DTNB: variants seen among roughly 807,000 people sequenced by gnomAD.
DTNB encodes DTN-B.
In DTNB, 63 loss-of-function variants were observed where a neutral mutation model predicts 90.7. That is an observed-to-expected ratio of 0.69 (90% CI 0.57 to 0.86). The LOEUF (loss-of-function observed/expected upper bound fraction) is 0.86. DTNB is among the 40% of genes least tolerant of loss of function. The pLI is 0.00. For missense variants in DTNB, 744 were observed against 807.1 expected, an observed-to-expected ratio of 0.92 and a Z score of 0.95; for synonymous variants, 277 against 286.7, an observed-to-expected ratio of 0.97 and a Z score of 0.34.
intron 8 of DTNB, among the ~76,000 whole-genome samples, chr2:25,564,257 C>T (rs2058679465): frequency 6.6e-6 from 1 of 152,138 alleles, no homozygotes; most frequent in Non-Finnish European, 1.5e-5. Flanking sequence ...TGCAGAAAAG[C>T]AGTTGAGATT....
chr2:25,587,823 C>T (rs537117898), intron 6 of DTNB, among the ~76,000 whole-genome samples: 1 of 152,248 alleles, frequency 6.6e-6, no homozygotes, highest in East Asian at 1.9e-4. Flanking sequence ...GAGACCTGAT[C>T]ATAATAAAAC....
At chr2:25,591,999 T>TGCA (rs1326900992) in intron 6 of DTNB, among the ~76,000 whole-genome samples, 2 of 143,888 alleles carry the variant, frequency 1.4e-5, no homozygotes, top group Non-Finnish European at 3.0e-5. Context: ...AGGCAGAGGT[T>TGCA]GCAGTGAGCC....
chr2:25,538,772 T>A (rs1448208884), intron 8 of DTNB, among the ~76,000 whole-genome samples: 1 of 152,010 alleles, frequency 6.6e-6, no homozygotes, highest in African/African-American at 2.4e-5. Flanking sequence ...GTTTTAAAAG[T>A]TATAAAACAA....
intron 12 of DTNB, among the ~76,000 whole-genome samples, chr2:25,441,940 C>G (rs983960127): frequency 6.6e-6 from 1 of 152,116 alleles, no homozygotes; most frequent in East Asian, 1.9e-4. Flanking sequence ...ATGACATGCA[C>G]CTTTTCAACT....
intron 1 of DTNB, 103 bp downstream of exon 1, chr2:25,673,283 C>G (rs1174049700): frequency 6.6e-6 from 1 of 151,642 alleles, no homozygotes; most frequent in African/African-American, 2.4e-5. Flanking sequence ...CTCCCGGGTC[C>G]CCAGTCCCGG....
At chr2:25,606,045 A>G (rs192138394) in intron 5 of DTNB, among the ~76,000 whole-genome samples, 17 of 152,348 alleles carry the variant, frequency 1.1e-4, no homozygotes, top group Non-Finnish European at 2.1e-4. Context: ...ATCTAAATCT[A>G]TATCTAATGG....
chr2:25,484,096 T>C (rs1180312867), intron 9 of DTNB, among the ~76,000 whole-genome samples: 12 of 152,150 alleles, frequency 7.9e-5, no homozygotes, highest in African/African-American at 2.9e-4. Flanking sequence ...GGCTACACCA[T>C]ACGGCCTAGG....
At chr2:25,646,934 T>G (rs993399925) in intron 2 of DTNB, among the ~76,000 whole-genome samples, 3 of 152,218 alleles carry the variant, frequency 2.0e-5, no homozygotes, top group Non-Finnish European at 4.4e-5. Flanking sequence ...GAAATATATG[T>G]GTATTCATTA....
chr2:25,659,193 AAAGGTAGTGAT>A (rs775740249), intron 1 of DTNB, among the ~76,000 whole-genome samples: 4 of 152,224 alleles, frequency 2.6e-5, no homozygotes, highest in Non-Finnish European at 5.9e-5. Flanking sequence ...GGGTGGGGGA[AAAGGTAGTGAT>A]AAGGTAGTGG....
Position 25,451,615 on chromosome 2 carries a change from C to T in DTNB, c.1190G>A (p.Arg397Gln), listed in dbSNP as rs760890237. Residue 397 changes from arginine to glutamine, a missense_variant, in exon 12 of 21, where the codon CGA (arginine) becomes CAA (glutamine). By Grantham distance (43) the Arg-to-Gln change is conservative (BLOSUM62 1). Transcript: ENST00000406818. ...TATAAGACGGTGTTCCTCATCCAGT[C>T]GGCTAGGACTGTCCAGAACACTGCC... ...HCARVLDSPSRLDEEHRLIAR... is the reference protein window; with the variant it reads ...HCARVLDSPSQLDEEHRLIAR... 55 of 1,602,978 alleles carry T rather than the reference C, an allele frequency of 3.4e-5. No homozygotes were observed. Among genetic ancestry groups the T allele is most frequent in the East Asian group, 4.5e-5 (2 of 44,648 alleles).
chr2:25,541,035 TAAAAAAAAAAAGAAAACA>T (rs1341103808), intron 8 of DTNB, among the ~76,000 whole-genome samples: 1 of 92,136 alleles, frequency 1.1e-5, no homozygotes, highest in Non-Finnish European at 2.3e-5. Flanking sequence ...AATGATCAAT[TAAAAAAAAAAAGAAAACA>T]AAAAAAAAAA....
intron 14 of DTNB, among the ~76,000 whole-genome samples, chr2:25,429,116 C>T (rs751592843): frequency 1.5e-4 from 23 of 152,214 alleles, no homozygotes; most frequent in Non-Finnish European, 2.5e-4. Context: ...CTGAGATGCA[C>T]GGCAATTGTA....
At position 25,430,848 on chromosome 2, in the gene DTNB, C is replaced by T. The variant is rs186414057; in HGVS notation, c.1457+2038G>A. 5.9e-5 allele frequency among the ~76,000 whole-genome samples: 9 copies of T among 152,184 alleles called. No individual in the cohort carries two copies. In the East Asian group the frequency reaches 9.7e-4, roughly 16 times the overall value. ...ACTATTACGCTTCATATACGTTTGT[C>T]GCACACACATTCGTCATACATTTTA... On this transcript the variant is annotated intron_variant, in intron 14 of 20. Transcript: ENST00000406818.
intron 2 of DTNB, among the ~76,000 whole-genome samples, chr2:25,642,196 CGT>C (rs1416156790): frequency 6.6e-6 from 1 of 151,856 alleles, no homozygotes; most frequent in East Asian, 1.9e-4. Context: ...TGCCTGTGCA[CGT>C]GTGTGTGTAT....
At chr2:25,576,227 T>TTTG (rs990174650) in intron 8 of DTNB, among the ~76,000 whole-genome samples, 4 of 144,356 alleles carry the variant, frequency 2.8e-5, no homozygotes, top group African/African-American at 1.0e-4. Context: ...TTTTGTTTTT[T>TTTG]TTTTTTTTTT....
intron 3 of DTNB, among the ~76,000 whole-genome samples, chr2:25,634,466 C>T (rs543728525): frequency 1.3e-5 from 2 of 149,244 alleles, no homozygotes; most frequent in African/African-American, 4.9e-5. Context: ...CCAGTCGCCC[C>T]GTCGGGGAGG....
At chr2:25,534,289 C>T (rs1231585161) in intron 8 of DTNB, among the ~76,000 whole-genome samples, 1 of 152,128 alleles carries the variant, frequency 6.6e-6, no homozygotes, top group African/African-American at 2.4e-5. Flanking sequence ...TGAGTGGACA[C>T]AGCACATGTT....
chr2:25,610,413 A>G (rs2068281771), intron 4 of DTNB, among the ~76,000 whole-genome samples: 1 of 151,930 alleles, frequency 6.6e-6, no homozygotes, highest in African/African-American at 2.4e-5. Context: ...AAAAGTAAGT[A>G]ATCTCTCTGG....
At chr2:25,492,422 C>G (rs2067743188) in intron 9 of DTNB, among the ~76,000 whole-genome samples, 1 of 152,178 alleles carries the variant, frequency 6.6e-6, no homozygotes, top group Non-Finnish European at 1.5e-5. Flanking sequence ...AAAATCAACA[C>G]TGAGTGTTAT....
Sources: gnomAD v4.1 joint callset for allele counts (sites outside exome capture counted in the v4.1 genomes callset) on GRCh38, gnomAD v4.1.1 for gene constraint, MANE v1.5 for transcripts, NCBI Gene and HGNC (gene_info 2026-07-23, HGNC 2026-07-21) for gene names.